The following CLVS1 variants were observed in gnomAD, a reference collection of about 807,000 sequenced individuals.
CLVS1 encodes the protein clavesin-1.
CLVS1 carries 10 observed loss-of-function variants against 33.1 expected under a neutral mutation model. The observed-to-expected ratio is 0.30, with a 90% CI of 0.19 to 0.51. CLVS1 has a LOEUF of 0.51. CLVS1 is among the 20% of genes least tolerant of loss of function. CLVS1 has a pLI of 0.97. For synonymous variants in CLVS1, 163 were observed against 166.1 expected (o/e 0.98, Z 0.14); for missense variants, 343 against 433.4 (o/e 0.79, Z 1.85).
At chr8:61,347,471 G>C (rs759890146) in intron 2 of CLVS1, among the ~76,000 whole-genome samples, 4 of 151,562 alleles carry the variant, frequency 2.6e-5, no homozygotes, top group Non-Finnish European at 5.9e-5. Flanking sequence ...GTTGGCATGT[G>C]GGGGGCTGGG....
chr8:61,360,195 G>C (rs1812917792), intron 2 of CLVS1, among the ~76,000 whole-genome samples: 1 of 152,104 alleles, frequency 6.6e-6, no homozygotes, highest in East Asian at 1.9e-4. Context: ...GCATTAACAG[G>C]CCTTCCTGGT....
intron 1 of CLVS1, among the ~76,000 whole-genome samples, chr8:61,064,044 A>G (rs1804631956): frequency 6.6e-6 from 1 of 152,182 alleles, no homozygotes. Flanking sequence ...ATGTTGTAGC[A>G]TGTGTCAGAA....
chr8:61,114,926 T>A (rs552556872), intron 1 of CLVS1, among the ~76,000 whole-genome samples: 21 of 152,322 alleles, frequency 1.4e-4, no homozygotes, highest in African/African-American at 4.8e-4. Context: ...CACTGGAAGA[T>A]CAGAAAAAGC....
chr8:61,055,805 A>G (rs913645468), upstream of CLVS1, among the ~76,000 whole-genome samples: 2 of 152,258 alleles, frequency 1.3e-5, no homozygotes, highest in African/African-American at 4.8e-5. Flanking sequence ...ACATCCTAGC[A>G]GCTTTCCATA....
intron 5 of CLVS1, among the ~76,000 whole-genome samples, chr8:61,478,400 T>G (rs1453565281): frequency 6.6e-6 from 1 of 152,202 alleles, no homozygotes; most frequent in East Asian, 1.9e-4. Flanking sequence ...ATGATCTGTC[T>G]AATGTTGACA....
At chr8:61,117,497 T>C (rs1343028281) in intron 1 of CLVS1, among the ~76,000 whole-genome samples, 16 of 151,152 alleles carry the variant, frequency 1.1e-4, no homozygotes, top group Admixed American at 6.6e-5. Flanking sequence ...AGTATGATAT[T>C]GGCTGTGGGT....
intron 1 of CLVS1, among the ~76,000 whole-genome samples, chr8:61,065,823 G>C (rs1048957565): frequency 3.3e-5 from 5 of 152,172 alleles, no homozygotes; most frequent in Admixed American, 6.5e-5. Flanking sequence ...GGGTTGTGTA[G>C]TGCAAAGCTT....
chr8:61,058,182 G>T (rs1337877334), intron 1 of CLVS1, among the ~76,000 whole-genome samples: 1 of 152,198 alleles, frequency 6.6e-6, no homozygotes, highest in African/African-American at 2.4e-5. Context: ...GTGCATTTTG[G>T]CAGGCAGGGC....
intron 5 of CLVS1, among the ~76,000 whole-genome samples, chr8:61,476,140 T>C (rs1340103820): frequency 2.0e-5 from 3 of 152,362 alleles, no homozygotes; most frequent in African/African-American, 7.2e-5. Context: ...GGCTCTGTTC[T>C]GTTCCATTGA....
intron 4 of CLVS1, among the ~76,000 whole-genome samples, chr8:61,456,805 C>T (rs957044985): frequency 1.3e-5 from 2 of 151,438 alleles, no homozygotes; most frequent in Non-Finnish European, 2.9e-5. Context: ...GTAATCCCAG[C>T]TACTGAGGAG....
chr8:61,054,586 G>T (rs1373935876), upstream of CLVS1, among the ~76,000 whole-genome samples: 1 of 151,968 alleles, frequency 6.6e-6, no homozygotes, highest in South Asian at 2.1e-4. Flanking sequence ...AAATGGCAGC[G>T]TCTTAAAGAT....
chr8:61,389,649 G>C (rs145957442), intron 3 of CLVS1, among the ~76,000 whole-genome samples: 1 of 152,194 alleles, frequency 6.6e-6, no homozygotes, highest in Non-Finnish European at 1.5e-5. Flanking sequence ...TTAGAGTCAC[G>C]TATCTTAGTA....
intron 3 of CLVS1, among the ~76,000 whole-genome samples, chr8:61,431,754 A>G (rs976856043): frequency 6.6e-6 from 1 of 152,164 alleles, no homozygotes; most frequent in Non-Finnish European, 1.5e-5. Context: ...CTGAAATTTT[A>G]GGAGTCTACC....
In CLVS1 at chr8:61,240,849, C is replaced by T. The variant is rs186320661; in HGVS notation, c.-151-58828C>T. On this transcript the variant is annotated intron_variant, in intron 2 of 2. Coordinates refer to the CLVS1 transcript ENST00000522621. ...CTTTTTTGCCTTTGCCTTGATCTCA[C>T]GGGTAAAACTCTCAGAATTCTAAAA... 3.0e-3 allele frequency among the ~76,000 whole-genome samples: 436 copies of T among 147,242 alleles called. 1 individual carries two copies. The highest frequency in any genetic ancestry group is 4.0e-3 in the Non-Finnish European group (274 of 67,688).
chr8:61,258,153 A>G (rs1483549340), intron 2 of CLVS1, among the ~76,000 whole-genome samples: 1 of 152,196 alleles, frequency 6.6e-6, no homozygotes, highest in Non-Finnish European at 1.5e-5. Context: ...TTTTTAATTT[A>G]GATGGAGGCA....
chr8:61,453,884 A>G (rs1172819799), intron 3 of CLVS1, among the ~76,000 whole-genome samples: 2 of 152,186 alleles, frequency 1.3e-5, no homozygotes, highest in African/African-American at 4.8e-5. Context: ...TGTAACTGTG[A>G]TTTGAAAAAG....
chr8:61,388,125 A>G (rs1042398360), intron 3 of CLVS1, among the ~76,000 whole-genome samples: 5 of 152,060 alleles, frequency 3.3e-5, no homozygotes, highest in African/African-American at 1.2e-4. Flanking sequence ...AGCAAGTAAA[A>G]GCATCTAGTA....
intron 3 of CLVS1, among the ~76,000 whole-genome samples, chr8:61,439,748 T>C (rs1482716624): frequency 6.6e-6 from 1 of 152,186 alleles, no homozygotes; most frequent in South Asian, 2.1e-4. Flanking sequence ...GTTTGTACCA[T>C]GAGATAATTT....
the CLVS1 span, among the ~76,000 whole-genome samples, chr8:60,984,739 C>T: frequency 6.6e-6 from 1 of 152,220 alleles, no homozygotes; most frequent in African/African-American, 2.4e-5. Flanking sequence ...CAGATCATCA[C>T]ATTTAATTTT....
Sources: allele counts gnomAD v4.1 joint callset (sites outside exome capture counted in the v4.1 genomes callset), GRCh38; gene constraint gnomAD v4.1.1; transcripts MANE v1.5; gene names NCBI Gene and HGNC (gene_info 2026-07-23, HGNC 2026-07-21).